The following PDE4D variants were observed in gnomAD, a reference collection of about 807,000 sequenced individuals.
PDE4D encodes phosphodiesterase 4D.
In PDE4D, 24 loss-of-function variants were observed where a neutral mutation model predicts 87.4. The ratio of observed to expected loss-of-function variants is 0.27; its 90% CI spans 0.20 to 0.39. The LOEUF (loss-of-function observed/expected upper bound fraction) is 0.39, where lower values mean the gene tolerates loss of function less well. Ranked by LOEUF, PDE4D falls within the 10% of genes least tolerant of loss-of-function variation. The probability of loss-of-function intolerance (pLI) is 1.00; values close to 1 mark genes in which losing one functional copy is unlikely to be tolerated. For synonymous variants in PDE4D, 384 were observed against 383.2 expected, an observed-to-expected ratio of 1.00 and a Z score of -0.02; for missense variants, 714 against 1,041.0, an observed-to-expected ratio of 0.69 and a Z score of 4.32.
In PDE4D at chr5:59,891,185, T is replaced by C. The variant is rs144038904; in HGVS notation, c.455+1983A>G. ...AATTTCAAATAGAACAATTAATCAATGTAGAAAGCATAGCAAAAAATAAAT... is the reference window on the plus strand; with the variant it reads ...AATTTCAAATAGAACAATTAATCAACGTAGAAAGCATAGCAAAAAATAAAT... On this transcript the variant is annotated intron_variant, in intron 1 of 14. Coordinates refer to ENST00000340635, the MANE Select transcript of PDE4D (RefSeq NM_001104631.2). Among the ~76,000 whole-genome samples the C allele has an allele frequency of 4.3e-4, 66 of 152,310 alleles. 4 individuals are homozygous for C. Among genetic ancestry groups the C allele is most frequent in the African/African-American group, 1.5e-3 (64 of 41,566 alleles).
intron 6 of PDE4D, among the ~76,000 whole-genome samples, chr5:59,000,417 A>T (rs1226305101): frequency 6.6e-6 from 1 of 152,230 alleles, no homozygotes; most frequent in Non-Finnish European, 1.5e-5. Flanking sequence ...CCAACATAAA[A>T]GCATAGGGAT....
chr5:60,253,547 A>T (rs1440038440), intron 1 of PDE4D, among the ~76,000 whole-genome samples: 1 of 152,024 alleles, frequency 6.6e-6, no homozygotes, highest in Non-Finnish European at 1.5e-5. Flanking sequence ...TTGAGAGGCT[A>T]TCTCAATTTT....
At chr5:59,458,016 T>G (rs1216592404) in intron 1 of PDE4D, among the ~76,000 whole-genome samples, 1 of 152,222 alleles carries the variant, frequency 6.6e-6, no homozygotes, top group Non-Finnish European at 1.5e-5. Flanking sequence ...CTAATCTGAC[T>G]CCTTATTCTT....
intron 1 of PDE4D, among the ~76,000 whole-genome samples, chr5:60,195,130 A>G (rs1414046632): frequency 6.6e-6 from 1 of 151,512 alleles, no homozygotes; most frequent in African/African-American, 2.4e-5. Flanking sequence ...GTCTTGCTTC[A>G]AGACTCAACT....
At chr5:60,142,577 G>A (rs1043065757) in intron 2 of PDE4D, among the ~76,000 whole-genome samples, 10 of 152,164 alleles carry the variant, frequency 6.6e-5, no homozygotes, top group African/African-American at 1.9e-4. Flanking sequence ...ACACCAGCAT[G>A]AGCCAGGGTT....
chr5:59,285,804 G>A (rs554307486), intron 1 of PDE4D, among the ~76,000 whole-genome samples: 1 of 152,156 alleles, frequency 6.6e-6, no homozygotes, highest in East Asian at 1.9e-4. Context: ...CAATGGGGAG[G>A]GTGTTTGTGT....
At chr5:60,116,376 T>C (rs1379160390) in intron 2 of PDE4D, among the ~76,000 whole-genome samples, 1 of 152,060 alleles carries the variant, frequency 6.6e-6, no homozygotes, top group Admixed American at 6.6e-5. Flanking sequence ...TCCAAAGATG[T>C]TAATAAGGGT....
At chr5:59,243,314 A>G (rs564062090) in intron 1 of PDE4D, among the ~76,000 whole-genome samples, 1 of 152,138 alleles carries the variant, frequency 6.6e-6, no homozygotes, top group South Asian at 2.1e-4. Flanking sequence ...CTGGGGCCTC[A>G]ATTTCCCATT....
At chr5:59,713,028 C>T (rs1333330559) in intron 1 of PDE4D, among the ~76,000 whole-genome samples, 1 of 152,116 alleles carries the variant, frequency 6.6e-6, no homozygotes, top group Admixed American at 6.5e-5. Context: ...GAGGTTAGAA[C>T]TTCTGTGACA....
At chr5:60,297,527 C>G (rs940398332) in intron 1 of PDE4D, among the ~76,000 whole-genome samples, 3 of 152,142 alleles carry the variant, frequency 2.0e-5, no homozygotes, top group Non-Finnish European at 4.4e-5. Context: ...TGCTATAAAT[C>G]TGGACATCAT....
intron 1 of PDE4D, among the ~76,000 whole-genome samples, chr5:59,372,641 C>G (rs1784104564): frequency 6.6e-6 from 1 of 152,146 alleles, no homozygotes; most frequent in Non-Finnish European, 1.5e-5. Context: ...CTGCCACCAC[C>G]CTACCCCCAG....
intron 3 of PDE4D, among the ~76,000 whole-genome samples, chr5:59,930,763 A>G (rs1401412443): frequency 2.0e-5 from 3 of 152,210 alleles, no homozygotes; most frequent in African/African-American, 7.2e-5. Flanking sequence ...GTCTTTTTAA[A>G]GAGAAGCAGG....
chr5:60,329,123 T>G (rs1017326378), intron 1 of PDE4D, among the ~76,000 whole-genome samples: 2 of 152,210 alleles, frequency 1.3e-5, no homozygotes, highest in Non-Finnish European at 2.9e-5. Context: ...TATGTAAAAC[T>G]TACATGCTTT....
chr5:59,260,270 T>C (rs534958698), intron 1 of PDE4D, among the ~76,000 whole-genome samples: 1 of 151,972 alleles, frequency 6.6e-6, no homozygotes, highest in Admixed American at 6.6e-5. Flanking sequence ...AATTAAGACT[T>C]GCCTCGAAGG....
intron 1 of PDE4D, among the ~76,000 whole-genome samples, chr5:59,337,328 C>CCG (rs373443992): frequency 6.9e-6 from 1 of 145,488 alleles, no homozygotes; most frequent in African/African-American, 2.6e-5. Flanking sequence ...TAAGTTCCCC[C>CCG]CCCCCCACCT....
intron 5 of PDE4D, among the ~76,000 whole-genome samples, chr5:59,078,207 A>G (rs1766048872): frequency 6.6e-6 from 1 of 152,224 alleles, no homozygotes; most frequent in South Asian, 2.1e-4. Flanking sequence ...ATCAGTAAGA[A>G]AATAGTTAAA....
chr5:60,253,944 CA>C (rs1748758081), intron 1 of PDE4D, among the ~76,000 whole-genome samples: 1 of 151,892 alleles, frequency 6.6e-6, no homozygotes, highest in Admixed American at 6.6e-5. Flanking sequence ...GCTAACTCAA[CA>C]AAGCCATCAA....
In PDE4D at chr5:58,975,125, A is replaced by C; in HGVS notation, c.2014-45T>G. 8.3e-7 allele frequency: 1 copy of C among 1,204,252 alleles called. No individual in the cohort carries two copies. Among genetic ancestry groups the C allele is most frequent in the Non-Finnish European group, 1.1e-6 (1 of 899,258 alleles). The allele number at this position is 1,204,252 out of a possible 1,614,324, so 74.6% of individuals were successfully genotyped here. A position where few individuals can be genotyped will look rare whatever the true frequency, so the allele number is the denominator to read the frequency against. On this transcript the variant is annotated intron_variant, in intron 14 of 14. Coordinates refer to ENST00000340635, the MANE Select transcript of PDE4D (RefSeq NM_001104631.2). The surrounding 1 kb of genome is among the most constrained non-coding windows in gnomAD (Gnocchi z 4.2). ...AGTATGAGTAGAGGACTTGGGACTA[A>C]GAAACAATGGAAAAGCTTAATTAGA...
At chr5:59,939,509 C>A (rs1434095829) in intron 3 of PDE4D, among the ~76,000 whole-genome samples, 1 of 152,158 alleles carries the variant, frequency 6.6e-6, no homozygotes, top group East Asian at 1.9e-4. Flanking sequence ...AATTTTAAAC[C>A]AAAGTCAGTG....
Sources: allele counts gnomAD v4.1 joint callset (sites outside exome capture counted in the v4.1 genomes callset), GRCh38; gene constraint gnomAD v4.1.1; non-coding constraint Gnocchi (gnomAD v3.1); transcripts MANE v1.5; gene names NCBI Gene and HGNC (gene_info 2026-07-23, HGNC 2026-07-21).